CREBRF: variants seen among roughly 807,000 people sequenced by gnomAD.
CREBRF encodes the protein UPF0474 protein C5orf41.
Under a neutral mutation model 66.1 loss-of-function variants are expected in CREBRF, and 5 were observed. The ratio of observed to expected loss-of-function variants is 0.08; its 90% confidence interval spans 0.04 to 0.16. CREBRF has a LOEUF of 0.16. CREBRF is among the 10% of genes least tolerant of loss of function. CREBRF has a pLI of 1.00. For synonymous variants in CREBRF, 229 were observed against 264.4 expected (o/e 0.87, Z 1.30); for missense variants, 531 against 744.9 (o/e 0.71, Z 3.34).
At chr5:173,061,030 C>G (rs1050346164) in intron 1 of CREBRF, among the ~76,000 whole-genome samples, 1 of 152,082 alleles carries the variant, frequency 6.6e-6, no homozygotes, top group Non-Finnish European at 1.5e-5. Flanking sequence ...TGCAGTGGCA[C>G]GATCTCGGCT....
intron 8 of CREBRF, among the ~76,000 whole-genome samples, chr5:173,129,032 G>C (rs996302610): frequency 6.7e-6 from 1 of 149,868 alleles, no homozygotes; most frequent in Admixed American, 6.7e-5. Flanking sequence ...CACCCGCCTC[G>C]GCCTCCCATA....
chr5:173,100,248 TTAG>T (rs1758595236), intron 4 of CREBRF, among the ~76,000 whole-genome samples: 1 of 150,052 alleles, frequency 6.7e-6, no homozygotes, highest in Non-Finnish European at 1.5e-5. Context: ...AGTGCTGGGA[TTAG>T]TAGTGTGAGT....
rs1211057653 is a variant in CREBRF, at chr5:173,091,035, G to A, written c.856G>A (p.Ala286Thr). 4 of 1,614,164 alleles carry A rather than the reference G, an allele frequency of 2.5e-6. No homozygotes were observed. In the Middle Eastern group the frequency reaches 6.6e-4, roughly 266 times the overall value. The change falls in exon 4 of 9, where the codon GCC becomes ACC. Residue 286 changes from alanine (A) to threonine (T), a missense_variant. This residue lies in a region of CREBRF where 309 missense variants were observed against 341.4 expected (regional missense o/e 0.90). Transcript: ENST00000296953. ...KKGMEPLQGH[A>T]TPALPFKETQ... is the part of the protein sequence containing the mutation. ...AGGGATGGAGCCTCTTCAAGGTCAT[G>A]CCACTCCCGCTTTGCCTTTTAAAGA...
chr5:173,085,181 G>T (rs1282265869), intron 2 of CREBRF, among the ~76,000 whole-genome samples: 1 of 152,136 alleles, frequency 6.6e-6, no homozygotes, highest in Non-Finnish European at 1.5e-5. Flanking sequence ...GACCTCAGGT[G>T]ATCCGCCTGC....
chr5:173,116,307 T>A (rs1758988587), intron 7 of CREBRF, among the ~76,000 whole-genome samples: 1 of 152,214 alleles, frequency 6.6e-6, no homozygotes, highest in Non-Finnish European at 1.5e-5. Context: ...CATATACGCA[T>A]ACATATGTGA....
intron 1 of CREBRF, among the ~76,000 whole-genome samples, chr5:173,067,456 G>A (rs77828615): frequency 0.086 from 13,018 of 152,106 alleles, 732 homozygotes; most frequent in Middle Eastern, 0.17. Flanking sequence ...AATTTAAAGA[G>A]GATACCTCTT....
chr5:173,132,652 T>G (rs1031754863), intron 8 of CREBRF, among the ~76,000 whole-genome samples: 2 of 126,804 alleles, frequency 1.6e-5, no homozygotes, highest in Non-Finnish European at 3.3e-5. Flanking sequence ...CAGGCTGGGG[T>G]GCAGTGGCAT....
intron 1 of CREBRF, among the ~76,000 whole-genome samples, chr5:173,076,132 A>G (rs111562732): frequency 2.6e-5 from 4 of 152,024 alleles, no homozygotes; most frequent in Non-Finnish European, 5.9e-5. Flanking sequence ...TGAAGACTGG[A>G]AAGTCCAAGA....
At chr5:173,098,595 A>G (rs948913683) in intron 4 of CREBRF, among the ~76,000 whole-genome samples, 8 of 152,160 alleles carry the variant, frequency 5.3e-5, no homozygotes, top group Non-Finnish European at 7.3e-5. Context: ...AGAATGTTCT[A>G]TATATGTCTG....
intron 3 of CREBRF, among the ~76,000 whole-genome samples, chr5:173,089,120 T>G (rs1333546252): frequency 6.9e-6 from 1 of 144,422 alleles, no homozygotes; most frequent in African/African-American, 2.6e-5. Flanking sequence ...GAGGTTGCAG[T>G]GAGCCAAGAT....
chr5:173,108,878 C>G lies in CREBRF; in HGVS notation c.1417+60C>G, dbSNP rs576376433. On this transcript the variant is annotated intron_variant, in intron 5 of 8. Transcript: ENST00000296953. ...CTTTAATCAAGTTGAGCTACTAATC[C>G]ATAATGTTTACTCCGTGTACCTAGG... 1.6e-3 allele frequency: 2,345 copies of G among 1,494,176 alleles called. 2 individuals are homozygous for G. Among genetic ancestry groups the G allele is most frequent in the Non-Finnish European group, 1.9e-3 (2,051 of 1,085,820 alleles). 92.6% of individuals were successfully genotyped at this position (1,494,176 alleles called of 1,614,324 possible).
intron 4 of CREBRF, among the ~76,000 whole-genome samples, chr5:173,105,188 C>A (rs959360506): frequency 1.3e-5 from 2 of 151,294 alleles, no homozygotes; most frequent in African/African-American, 4.9e-5. Context: ...GGGAGTATAT[C>A]AAATAAAGTA....
intron 1 of CREBRF, among the ~76,000 whole-genome samples, chr5:173,059,469 G>C (rs1190507159): frequency 6.6e-6 from 1 of 151,490 alleles, no homozygotes; most frequent in Non-Finnish European, 1.5e-5. Context: ...TCACCATGTT[G>C]GCCAGACTGG....
chr5:173,109,056 G>C, intron 5 of CREBRF: 1 of 438,640 alleles, frequency 2.3e-6, no homozygotes, highest in East Asian at 3.9e-5. Context: ...TTCATTTCTA[G>C]TCCCTTCTTA....
At chr5:173,088,577 C>G (rs1292404826) in intron 3 of CREBRF, among the ~76,000 whole-genome samples, 1 of 150,506 alleles carries the variant, frequency 6.6e-6, no homozygotes, top group Non-Finnish European at 1.5e-5. Flanking sequence ...AGATAATGGG[C>G]TTTTCAGCTG....
chr5:173,104,604 G>C (rs251233), intron 4 of CREBRF, among the ~76,000 whole-genome samples: 73,888 of 151,778 alleles, frequency 0.49, 19,140 homozygotes, highest in Non-Finnish European at 0.58. Context: ...TGCTTGAGCC[G>C]GGGAGGTCGA....
intron 5 of CREBRF, chr5:173,109,120 C>T (rs1331976579): frequency 7.4e-6 from 2 of 271,808 alleles, no homozygotes; most frequent in Non-Finnish European, 1.4e-5. Context: ...TCTGACCTGT[C>T]ACAGTTGGTA....
intron 4 of CREBRF, among the ~76,000 whole-genome samples, chr5:173,098,006 A>C (rs1758519863): frequency 6.7e-6 from 1 of 149,492 alleles, no homozygotes; most frequent in East Asian, 2.0e-4. Flanking sequence ...GTAGTTGTTT[A>C]TTACCATAAG....
chr5:173,101,695 G>A (rs983749753), intron 4 of CREBRF, among the ~76,000 whole-genome samples: 1 of 151,818 alleles, frequency 6.6e-6, no homozygotes, highest in Non-Finnish European at 1.5e-5. Flanking sequence ...TGGGATTACC[G>A]ACACCCACCA....
Sources: allele counts gnomAD v4.1 joint callset (sites outside exome capture counted in the v4.1 genomes callset), GRCh38; gene constraint gnomAD v4.1.1; regional missense constraint gnomAD v4.1.1; transcripts MANE v1.5; gene names NCBI Gene and HGNC (gene_info 2026-07-23, HGNC 2026-07-21).